Variants in DIAPH2 observed in about 807,000 individuals in gnomAD.
DIAPH2 encodes the protein diaphanous related formin 2, also known as protein diaphanous homolog 2.
DIAPH2 carries 35 observed loss-of-function variants against 92.7 expected under a neutral mutation model. That is an observed-to-expected ratio of 0.38 (90% CI 0.29 to 0.50). The LOEUF is 0.50. Ranked by LOEUF, DIAPH2 falls within the 20% of genes least tolerant of loss-of-function variation. The probability of loss-of-function intolerance (pLI) is 0.94; values close to 1 mark genes in which losing one functional copy is unlikely to be tolerated. For synonymous variants in DIAPH2, 301 were observed against 280.4 expected, an observed-to-expected ratio of 1.07 and a Z score of -0.73; for missense variants, 701 against 819.5, an observed-to-expected ratio of 0.86 and a Z score of 1.77.
chrX:96,887,390 G>A (rs944176782), intron 5 of DIAPH2, among the ~76,000 whole-genome samples: 5 of 111,022 alleles, frequency 4.5e-5, no homozygotes, highest in African/African-American at 1.6e-4. Flanking sequence ...CACCTTTTGA[G>A]GATAAGATAC....
At chrX:97,597,685 T>TAAG (rs1364865629) in intron 26 of DIAPH2, among the ~76,000 whole-genome samples, 2 of 112,176 alleles carry the variant, frequency 1.8e-5, no homozygotes, top group African/African-American at 6.5e-5. Context: ...AAATGTTTTC[T>TAAG]AAGAAGTAGA....
At chrX:97,549,711 C>T (rs1414915893) in intron 26 of DIAPH2, among the ~76,000 whole-genome samples, 1 of 111,165 alleles carries the variant, frequency 9.0e-6, no homozygotes, top group Non-Finnish European at 1.9e-5. Context: ...AAATCCCAGC[C>T]CACATGTTGC....
chrX:97,292,549 T>TG (rs1945007668), intron 23 of DIAPH2, among the ~76,000 whole-genome samples: 1 of 90,488 alleles, frequency 1.1e-5, no homozygotes, highest in African/African-American at 4.7e-5. Context: ...TAATACCCAA[T>TG]TTTTTTTTTT....
chrX:97,477,592 A>G (rs1034874773), intron 26 of DIAPH2, among the ~76,000 whole-genome samples: 1 of 109,215 alleles, frequency 9.2e-6, no homozygotes, highest in African/African-American at 3.3e-5. Flanking sequence ...GTGACAGAGC[A>G]AGACTCCGTC....
intron 20 of DIAPH2, among the ~76,000 whole-genome samples, chrX:97,104,953 A>G (rs1422364265): frequency 8.9e-6 from 1 of 111,948 alleles, no homozygotes; most frequent in Non-Finnish European, 1.9e-5. Flanking sequence ...CCTGGCCAAC[A>G]TGGCAAAACC....
At chrX:97,598,183 G>C (rs1489605507) in intron 26 of DIAPH2, among the ~76,000 whole-genome samples, 2 of 111,745 alleles carry the variant, frequency 1.8e-5, no homozygotes, top group Non-Finnish European at 3.8e-5. Flanking sequence ...GTAGCAGCTT[G>C]GGAGGCCCCA....
At chrX:97,035,552 A>T (rs903511761) in intron 17 of DIAPH2, among the ~76,000 whole-genome samples, 1 of 111,777 alleles carries the variant, frequency 8.9e-6, no homozygotes, top group African/African-American at 3.3e-5. Context: ...AGATATGTAC[A>T]AGATATTGAG....
intron 23 of DIAPH2, among the ~76,000 whole-genome samples, chrX:97,312,344 CCTTTT>C (rs2068801715): frequency 2.1e-5 from 1 of 48,192 alleles, no homozygotes; most frequent in African/African-American, 6.4e-5. Flanking sequence ...TCAATAGAAT[CCTTTT>C]TTTTTTTTTT....
intron 24 of DIAPH2, among the ~76,000 whole-genome samples, chrX:97,357,508 T>A (rs1275576993): frequency 9.4e-6 from 1 of 105,927 alleles, no homozygotes; most frequent in Non-Finnish European, 1.9e-5. Context: ...TCAAGTCATT[T>A]CCTCTAAGAA....
chrX:96,982,844 C>T (rs1174732607), intron 17 of DIAPH2, among the ~76,000 whole-genome samples: 1 of 111,987 alleles, frequency 8.9e-6, no homozygotes, highest in Non-Finnish European at 1.9e-5. Context: ...TCATTTTTAA[C>T]ATTTTCGTAA....
intron 1 of DIAPH2, among the ~76,000 whole-genome samples, chrX:96,713,242 G>A (rs996244246): frequency 9.0e-6 from 1 of 111,611 alleles, no homozygotes; most frequent in African/African-American, 3.3e-5. Context: ...TCTTCCCGAG[G>A]TTTTGCAATC....
chrX:97,218,854 G>C (rs1194282853), intron 22 of DIAPH2, among the ~76,000 whole-genome samples: 2 of 111,749 alleles, frequency 1.8e-5, no homozygotes, highest in African/African-American at 6.5e-5. Flanking sequence ...ATTTTTTATT[G>C]TTTTGTTATT....
chrX:96,835,153 A>G (rs2064878678), intron 4 of DIAPH2, among the ~76,000 whole-genome samples: 1 of 112,028 alleles, frequency 8.9e-6, no homozygotes, highest in Admixed American at 9.5e-5. Flanking sequence ...GGAGAAGACC[A>G]ACAAGAACGG....
intron 5 of DIAPH2, among the ~76,000 whole-genome samples, chrX:96,886,700 TG>T (rs1453740706): frequency 9.0e-6 from 1 of 111,075 alleles, no homozygotes; most frequent in Non-Finnish European, 1.9e-5. Flanking sequence ...AAAATCATAC[TG>T]GGGGAGAGGC....
At chrX:97,373,009 A>G (rs2069463160) in intron 24 of DIAPH2, among the ~76,000 whole-genome samples, 1 of 110,924 alleles carries the variant, frequency 9.0e-6, no homozygotes, top group Non-Finnish European at 1.9e-5. Context: ...GCCGTGTAAC[A>G]CTGTTTGTGG....
chrX:96,783,578 C>T (rs1191384066), intron 4 of DIAPH2, among the ~76,000 whole-genome samples: 3 of 112,245 alleles, frequency 2.7e-5, no homozygotes, highest in Non-Finnish European at 5.6e-5. Flanking sequence ...TTTATTTCAG[C>T]AGGTCAAGGA....
chrX:97,585,935 G>A (rs764514753), intron 26 of DIAPH2, among the ~76,000 whole-genome samples: 7 of 111,534 alleles, frequency 6.3e-5, no homozygotes, highest in South Asian at 3.8e-4. Flanking sequence ...ATTCCATAAC[G>A]TGTACTGTAA....
chrX:96,884,595 T>C, intron 5 of DIAPH2: 1 of 1,210,471 alleles, frequency 8.3e-7, no homozygotes. Context: ...ACAAAATTGA[T>C]GATATGACCG....
intron 25 of DIAPH2, among the ~76,000 whole-genome samples, chrX:97,428,883 G>A (rs2070098333): frequency 8.9e-6 from 1 of 111,941 alleles, no homozygotes; most frequent in Non-Finnish European, 1.9e-5. Flanking sequence ...GTTTTTCATG[G>A]CTAGAGTTGT....
Sources: gnomAD v4.1 joint callset for allele counts (sites outside exome capture counted in the v4.1 genomes callset) on GRCh38, gnomAD v4.1.1 for gene constraint, MANE v1.5 for transcripts, NCBI Gene and HGNC (gene_info 2026-07-23, HGNC 2026-07-21) for gene names.